The following PRKCH variants were observed in gnomAD, a reference collection of about 807,000 sequenced individuals.
The protein encoded by PRKCH is protein kinase C eta type.
Under a neutral mutation model 82.5 loss-of-function variants are expected in PRKCH, and 28 were observed. That is an observed-to-expected ratio of 0.34 (90% confidence interval 0.25 to 0.47). The LOEUF (loss-of-function observed/expected upper bound fraction) is 0.47. Ranked by LOEUF, PRKCH falls within the 20% of genes least tolerant of loss-of-function variation. PRKCH has a pLI of 1.00. For missense variants in PRKCH, 705 were observed against 881.8 expected, an observed-to-expected ratio of 0.80 and a Z score of 2.54; for synonymous variants, 322 against 327.4, an observed-to-expected ratio of 0.98 and a Z score of 0.18.
At chr14:61,479,083 G>T (rs182889270) in intron 9 of PRKCH, among the ~76,000 whole-genome samples, 330 of 152,240 alleles carry the variant, frequency 2.2e-3, no homozygotes, top group African/African-American at 7.8e-3. Flanking sequence ...TGGCAGTTTT[G>T]CTCTTGGCTC....
intron 1 of PRKCH, among the ~76,000 whole-genome samples, chr14:61,209,359 G>A (rs1339679228): frequency 7.1e-6 from 1 of 141,330 alleles, no homozygotes; most frequent in Non-Finnish European, 1.5e-5. Context: ...CAGGAAGAAG[G>A]CCCTCATCAG....
At chr14:61,231,163 G>A (rs2140059330) in intron 1 of PRKCH, among the ~76,000 whole-genome samples, 1 of 152,296 alleles carries the variant, frequency 6.6e-6, no homozygotes, top group South Asian at 2.1e-4. Context: ...GTGACCTTGG[G>A]CAAGTGTCAA....
chr14:61,357,456 G>C (rs184279158), intron 1 of PRKCH, among the ~76,000 whole-genome samples: 1 of 152,178 alleles, frequency 6.6e-6, no homozygotes, highest in East Asian at 1.9e-4. Context: ...CATCCTCCTA[G>C]GCCTTGCTCT....
chr14:61,188,704 AGTGTGTGT>A (rs754540967), intron 1 of PRKCH, among the ~76,000 whole-genome samples: 1 of 87,886 alleles, frequency 1.1e-5, no homozygotes, highest in African/African-American at 4.2e-5. Context: ...ACGTTGCTGT[AGTGTGTGT>A]GTGTGTGTGT....
In PRKCH at chr14:61,548,795, G is replaced by GGAGATTGCAGTGAGCC. The variant is rs757155870; in HGVS notation, c.1906-881_1906-866dup. 3.2e-4 allele frequency among the ~76,000 whole-genome samples: 48 copies of GGAGATTGCAGTGAGCC among 151,480 alleles called. 1 individual carries two copies. Among genetic ancestry groups the GGAGATTGCAGTGAGCC allele is most frequent in the South Asian group, 6.2e-4 (3 of 4,810 alleles). ...GAAGGATTGCTTGAACCTAGGAGGT[G>GGAGATTGCAGTGAGCC]GAGATTGCAGTGAGCCGAGATTGCG... On this transcript the variant is annotated intron_variant, in intron 13 of 13. Transcript: ENST00000332981.
intron 4 of PRKCH, 121 bp downstream of exon 4, chr14:61,445,847 A>G (rs1220435420): frequency 1.1e-5 from 11 of 1,042,776 alleles, no homozygotes; most frequent in Non-Finnish European, 1.6e-5. Context: ...TGTAGGTCAA[A>G]GGAAACCCCT....
intron 1 of PRKCH, among the ~76,000 whole-genome samples, chr14:61,293,722 C>T (rs2045382946): frequency 6.6e-6 from 1 of 152,176 alleles, no homozygotes; most frequent in African/African-American, 2.4e-5. Flanking sequence ...CCAGCACCAT[C>T]TCTGATCAGT....
intron 1 of PRKCH, among the ~76,000 whole-genome samples, chr14:61,299,445 T>A (rs573626967): frequency 6.6e-6 from 1 of 151,186 alleles, no homozygotes; most frequent in South Asian, 2.1e-4. Context: ...ACTCCTGAGA[T>A]CTTATCGGGA....
chr14:61,385,108 G>T lies in PRKCH; in HGVS notation c.364-6117G>T, dbSNP rs955900780. On this transcript the variant is annotated intron_variant, in intron 1 of 13. Coordinates refer to ENST00000332981, the MANE Select transcript of PRKCH (RefSeq NM_006255.5). ...TTTACCAAGAGAAGTGGTCTGTAGG[G>T]GAGGGGGTTAGTGTGTTTATTGCTC... 2.0e-4 allele frequency among the ~76,000 whole-genome samples: 31 copies of T among 152,032 alleles called. 1 individual carries two copies. Among genetic ancestry groups the T allele is most frequent in the African/African-American group, 7.5e-4 (31 of 41,298 alleles).
intron 1 of PRKCH, among the ~76,000 whole-genome samples, chr14:61,188,446 C>A (rs1225409710): frequency 6.6e-6 from 1 of 151,214 alleles, no homozygotes; most frequent in Admixed American, 6.6e-5. Flanking sequence ...GGCTCCGGGT[C>A]GGGCTCCCAG....
At chr14:61,299,156 T>A (rs1487333949) in intron 1 of PRKCH, among the ~76,000 whole-genome samples, 2 of 152,032 alleles carry the variant, frequency 1.3e-5, no homozygotes, top group South Asian at 2.1e-4. Flanking sequence ...AGTGTATAGG[T>A]GCCGTAAGGG....
intron 1 of PRKCH, among the ~76,000 whole-genome samples, chr14:61,288,588 G>A (rs2045335602): frequency 6.6e-6 from 1 of 152,132 alleles, no homozygotes; most frequent in Non-Finnish European, 1.5e-5. Flanking sequence ...CTCTGAATTC[G>A]TAATGGCTGT....
chr14:61,271,202 A>G (rs1004972945), intron 1 of PRKCH, among the ~76,000 whole-genome samples: 49 of 152,068 alleles, frequency 3.2e-4, no homozygotes, highest in African/African-American at 1.2e-3. Context: ...CCCTGCCGCC[A>G]TTCACCCCCT....
intron 1 of PRKCH, among the ~76,000 whole-genome samples, chr14:61,286,257 C>T (rs111528147): frequency 4.6e-5 from 7 of 152,284 alleles, no homozygotes; most frequent in African/African-American, 9.6e-5. Context: ...TTACAGCATG[C>T]GCTCAGAAAA....
intron 2 of PRKCH, among the ~76,000 whole-genome samples, chr14:61,414,028 C>G (rs867320110): frequency 6.6e-6 from 1 of 152,028 alleles, no homozygotes; most frequent in East Asian, 1.9e-4. Context: ...CCCATTCTTC[C>G]CTTCTCTTCC....
intron 1 of PRKCH, among the ~76,000 whole-genome samples, chr14:61,387,077 C>T (rs549716399): frequency 7.9e-5 from 12 of 152,202 alleles, no homozygotes; most frequent in South Asian, 2.1e-4. Context: ...ACACAGGTGC[C>T]GGACACTCCC....
chr14:61,280,936 G>T lies in PRKCH; in HGVS notation c.-19+93268G>T, dbSNP rs775980400. ...GCACACCGAGCAGTTACCGGTGCCCGGGTCGCCTGTATAGTCGTACTCCAG... is the reference window on the plus strand; with the variant it reads ...GCACACCGAGCAGTTACCGGTGCCCTGGTCGCCTGTATAGTCGTACTCCAG... On this transcript the variant is annotated intron_variant, in intron 1 of 3. Coordinates refer to the PRKCH transcript ENST00000555185. This position sits in a 1 kb window ranked among gnomAD's most constrained non-coding sequence, Gnocchi z 5.0. 3.9e-6 allele frequency: 6 copies of T among 1,538,524 alleles called. No individual in the cohort carries two copies. The highest frequency in any genetic ancestry group is 5.2e-6 in the Non-Finnish European group (6 of 1,146,258).
At chr14:61,195,449 G>T (rs17098114) in intron 1 of PRKCH, among the ~76,000 whole-genome samples, 39,218 of 152,152 alleles carry the variant, frequency 0.26, 5,347 homozygotes, top group Admixed American at 0.37. Context: ...CCTACTCTGT[G>T]TCAGGCAATG....
intron 1 of PRKCH, among the ~76,000 whole-genome samples, chr14:61,283,462 G>A (rs901262193): frequency 3.9e-5 from 6 of 152,206 alleles, no homozygotes; most frequent in African/African-American, 1.4e-4. Flanking sequence ...GGTTTGTGTG[G>A]CAGGAATGAG....
Sources: gnomAD v4.1 joint callset for allele counts (sites outside exome capture counted in the v4.1 genomes callset) on GRCh38, gnomAD v4.1.1 for gene constraint, Gnocchi (gnomAD v3.1) non-coding constraint, MANE v1.5 for transcripts, NCBI Gene and HGNC (gene_info 2026-07-23, HGNC 2026-07-21) for gene names.